The following CDK14 variants were observed in gnomAD, a reference collection of about 807,000 sequenced individuals.
CDK14 encodes cyclin-dependent kinase 14.
Under a neutral mutation model 60.7 loss-of-function variants are expected in CDK14, and 34 were observed. That is an observed-to-expected ratio of 0.56 (90% CI 0.43 to 0.75). CDK14 has a LOEUF of 0.75. Ranked by LOEUF, CDK14 falls within the 30% of genes least tolerant of loss-of-function variation. CDK14 has a pLI of 0.00. For missense variants in CDK14, 482 were observed against 564.1 expected (o/e 0.85, Z 1.47); for synonymous variants, 197 against 203.7 (o/e 0.97, Z 0.28).
At chr7:90,796,427 A>G (rs1236043779) in intron 5 of CDK14, among the ~76,000 whole-genome samples, 1 of 152,112 alleles carries the variant, frequency 6.6e-6, no homozygotes, top group Admixed American at 6.6e-5. Flanking sequence ...GAAAATGTCA[A>G]TGGTTTTGAG....
chr7:90,753,774 C>T (rs578227758), intron 4 of CDK14, among the ~76,000 whole-genome samples: 11 of 152,144 alleles, frequency 7.2e-5, no homozygotes, highest in South Asian at 6.2e-4. Context: ...TGAATGACTT[C>T]AGTACAGTTT....
chr7:90,769,406 G>T (rs1804693489), intron 4 of CDK14, among the ~76,000 whole-genome samples: 1 of 151,704 alleles, frequency 6.6e-6, no homozygotes. Flanking sequence ...TGACTGTAAG[G>T]ATTGACACAC....
chr7:90,888,599 C>G (rs1039495279), intron 6 of CDK14, among the ~76,000 whole-genome samples: 2 of 152,112 alleles, frequency 1.3e-5, no homozygotes, highest in South Asian at 2.1e-4. Flanking sequence ...TGCTTTCACC[C>G]TGTGATTTCG....
In CDK14 at chr7:90,596,637, C is replaced by T; in HGVS notation, c.10C>T (p.Leu4Phe). The T allele has an allele frequency of 1.2e-6, 2 of 1,612,140 alleles. No individual in the cohort carries two copies. The highest frequency in any genetic ancestry group is 1.1e-5 in the South Asian group (1 of 91,048). The change falls in exon 1 of 15, where the codon CTC becomes TTC. Residue 4 changes from leucine (L) to phenylalanine (F), a missense_variant. Transcript: ENST00000380050. MCDLIEPQPAEKIG... is the reference protein window; with the variant it reads MCDFIEPQPAEKIG... ...GCTCCGCGTCGCCCAGATGTGTGAC[C>T]TCATTGAGCCGCAGCCGGCCGAGAA... is the stretch of plus-strand genomic sequence containing the variant.
chr7:91,068,807 T>TAAAA (rs57179045), intron 11 of CDK14, among the ~76,000 whole-genome samples: 24 of 68,788 alleles, frequency 3.5e-4, no homozygotes, highest in African/African-American at 1.1e-3. Flanking sequence ...TACCTTATAT[T>TAAAA]AAAAAAAAAA....
chr7:90,699,198 G>GCC (rs2116609318), intron 2 of CDK14, among the ~76,000 whole-genome samples: 1 of 152,280 alleles, frequency 6.6e-6, no homozygotes, highest in African/African-American at 2.4e-5. Context: ...GAGTCTGACA[G>GCC]CCCATGGCTG....
At chr7:90,775,527 A>G (rs1054594736) in intron 4 of CDK14, among the ~76,000 whole-genome samples, 1 of 151,968 alleles carries the variant, frequency 6.6e-6, no homozygotes, top group Non-Finnish European at 1.5e-5. Context: ...TTTCTCTAGA[A>G]ATGTGAAATA....
In CDK14 at chr7:91,209,833, C is replaced by A. The variant is rs1447324648; in HGVS notation, c.*2697C>A. On this transcript the variant is annotated 3_prime_UTR_variant, in exon 15 of 15. Coordinates refer to ENST00000380050, the MANE Select transcript of CDK14 (RefSeq NM_001287135.2). ...GGGTACATAAAGCAGGGTGGCTGTC[C>A]ATCCACTGATTCTGGGGTGAGAAGC... 1 of 152,518 alleles carries A rather than the reference C, an allele frequency of 6.6e-6. No individual in the cohort carries two copies. Among genetic ancestry groups the A allele is most frequent in the East Asian group, 1.9e-4 (1 of 5,196 alleles). 9.4% of individuals were successfully genotyped at this position (152,518 alleles called of 1,614,324 possible).
chr7:91,101,904 T>C (rs1799155848), intron 12 of CDK14, among the ~76,000 whole-genome samples: 1 of 152,214 alleles, frequency 6.6e-6, no homozygotes, highest in Non-Finnish European at 1.5e-5. Flanking sequence ...ACCATAGTAC[T>C]CCCTCTAAGA....
intron 14 of CDK14, among the ~76,000 whole-genome samples, chr7:91,163,225 C>A (rs1801224142): frequency 6.6e-6 from 1 of 152,190 alleles, no homozygotes; most frequent in South Asian, 2.1e-4. Context: ...TCCCCTCCAG[C>A]CCCAGAAATT....
chr7:90,630,873 C>T lies in CDK14; in HGVS notation c.123+26624C>T, dbSNP rs188552956. Among the ~76,000 whole-genome samples, 272 of 107,026 alleles carry T rather than the reference C, an allele frequency of 2.5e-3. 2 individuals are homozygous for T. Among genetic ancestry groups the T allele is most frequent in the African/African-American group, 8.6e-3 (237 of 27,456 alleles). The allele number at this position is 107,026 out of a possible 152,430, so 70.2% of individuals were successfully genotyped here. ...TGGTGGTGTTATCTCTGAGTATTTA[C>T]ATCTTGGGGTGTGTATGTGTGTGTG... On this transcript the variant is annotated intron_variant, in intron 2 of 14. Coordinates refer to ENST00000380050, the MANE Select transcript of CDK14 (RefSeq NM_001287135.2).
chr7:90,724,945 T>C (rs1399567634), intron 2 of CDK14, among the ~76,000 whole-genome samples: 1 of 152,182 alleles, frequency 6.6e-6, no homozygotes, highest in Non-Finnish European at 1.5e-5. Context: ...TTTTACTTTT[T>C]GATCATGACT....
intron 2 of CDK14, among the ~76,000 whole-genome samples, chr7:90,623,166 A>T (rs1281202365): frequency 6.6e-6 from 1 of 150,930 alleles, no homozygotes; most frequent in Non-Finnish European, 1.5e-5. Flanking sequence ...AGAGTTTGTG[A>T]TCATGTGTTT....
chr7:90,702,297 C>G (rs1156468641), intron 2 of CDK14, among the ~76,000 whole-genome samples: 4 of 152,022 alleles, frequency 2.6e-5, no homozygotes, highest in Non-Finnish European at 5.9e-5. Context: ...ACTATGTTAC[C>G]GAATACAAAA....
At chr7:91,110,117 C>G (rs1271903151) in intron 12 of CDK14, among the ~76,000 whole-genome samples, 1 of 152,016 alleles carries the variant, frequency 6.6e-6, no homozygotes, top group Non-Finnish European at 1.5e-5. Flanking sequence ...CCAAAAGTAT[C>G]ATGTCTTAAC....
intron 6 of CDK14, among the ~76,000 whole-genome samples, chr7:90,868,843 T>G (rs1017157009): frequency 3.2e-4 from 48 of 152,186 alleles, no homozygotes; most frequent in African/African-American, 1.1e-3. Context: ...TTAGCCAAGT[T>G]AAAATGGTAA....
At chr7:90,709,639 T>A (rs778856546) in intron 2 of CDK14, 2 of 1,540,904 alleles carry the variant, frequency 1.3e-6, no homozygotes, top group Non-Finnish European at 1.8e-6. Flanking sequence ...GAAAAAAAAA[T>A]TAGATTTTTT....
chr7:90,731,072 G>A (rs1447014902), intron 3 of CDK14, among the ~76,000 whole-genome samples: 4 of 152,094 alleles, frequency 2.6e-5, no homozygotes, highest in Non-Finnish European at 5.9e-5. Context: ...TTTACATATG[G>A]CTAGCCAGTT....
chr7:90,997,254 T>C (rs1795712955), intron 10 of CDK14, among the ~76,000 whole-genome samples: 1 of 152,234 alleles, frequency 6.6e-6, no homozygotes, highest in Non-Finnish European at 1.5e-5. Context: ...ATATAAGGAC[T>C]ACTTTGTGTG....
Sources: allele counts gnomAD v4.1 joint callset (sites outside exome capture counted in the v4.1 genomes callset), GRCh38; gene constraint gnomAD v4.1.1; transcripts MANE v1.5; gene names NCBI Gene and HGNC (gene_info 2026-07-23, HGNC 2026-07-21).